EYS: variants seen among roughly 807,000 people sequenced by gnomAD.
The protein encoded by EYS is EGF-like photoreceptor maintenance factor.
A neutral mutation model predicts 282.1 loss-of-function variants in EYS; 250 were observed. That is an observed-to-expected ratio of 0.89 (90% confidence interval 0.80 to 0.98). EYS has a LOEUF of 0.98. Among genes scored for constraint, EYS ranks in the 50% least tolerant of loss-of-function variants. The pLI is 0.00. For missense variants in EYS, 4,016 were observed against 3,709.0 expected (o/e 1.08, Z -2.15); for synonymous variants, 1,355 against 1,282.9 (o/e 1.06, Z -1.20).
intron 2 of EYS, among the ~76,000 whole-genome samples, chr6:65,579,157 T>A (rs189859964): frequency 1.3e-5 from 2 of 152,098 alleles, no homozygotes; most frequent in African/African-American, 4.8e-5. Context: ...TATACATGTG[T>A]TTTTTTGTTC....
intron 5 of EYS, among the ~76,000 whole-genome samples, chr6:65,446,785 ATAAC>A (rs769153715): frequency 4.1e-4 from 62 of 151,654 alleles, no homozygotes; most frequent in Non-Finnish European, 4.4e-4. Context: ...TATGAAATAA[ATAAC>A]TAATATATTA....
At chr6:64,306,127 C>G (rs937633911) in intron 30 of EYS, among the ~76,000 whole-genome samples, 2 of 143,794 alleles carry the variant, frequency 1.4e-5, no homozygotes, top group Non-Finnish European at 2.9e-5. Flanking sequence ...AAAAGATGCT[C>G]AATAACAATA....
chr6:64,126,015 C>G (rs892024337), intron 31 of EYS, among the ~76,000 whole-genome samples: 1 of 151,440 alleles, frequency 6.6e-6, no homozygotes, highest in Non-Finnish European at 1.5e-5. Context: ...ACAACAGGTG[C>G]TGGAGAGGAT....
chr6:63,858,185 T>C (rs1772441963), intron 36 of EYS, among the ~76,000 whole-genome samples: 1 of 152,304 alleles, frequency 6.6e-6, no homozygotes, highest in African/African-American at 2.4e-5. Flanking sequence ...AATAAATTTA[T>C]AGCAACAAAC....
chr6:64,091,365 C>T (rs1772353242), intron 31 of EYS, among the ~76,000 whole-genome samples: 1 of 152,094 alleles, frequency 6.6e-6, no homozygotes, highest in Admixed American at 6.5e-5. Context: ...AAAATTTCTT[C>T]CCTCACCCCC....
intron 31 of EYS, among the ~76,000 whole-genome samples, chr6:64,218,659 T>C (rs747683018): frequency 2.0e-5 from 3 of 152,348 alleles, no homozygotes; most frequent in Middle Eastern, 3.4e-3. Flanking sequence ...CTGCTTTAAG[T>C]AATGTCTAGC....
intron 5 of EYS, among the ~76,000 whole-genome samples, chr6:65,443,599 TCATATACA>T (rs1768521382): frequency 6.6e-6 from 1 of 151,446 alleles, no homozygotes; most frequent in South Asian, 2.1e-4. Flanking sequence ...TACATATACA[TCATATACA>T]CATATACACA....
At chr6:64,587,068 C>T (rs551706018) in intron 26 of EYS, among the ~76,000 whole-genome samples, 2 of 152,044 alleles carry the variant, frequency 1.3e-5, no homozygotes, top group South Asian at 2.1e-4. Context: ...GAGCTGTCAC[C>T]GTAATACAGG....
chr6:64,900,355 G>A (rs1767617020), intron 18 of EYS, among the ~76,000 whole-genome samples: 1 of 152,094 alleles, frequency 6.6e-6, no homozygotes, highest in South Asian at 2.1e-4. Flanking sequence ...CAAAAGCAAT[G>A]GCAACAAAAG....
chr6:65,097,619 G>T (rs1449007243), intron 12 of EYS, among the ~76,000 whole-genome samples: 1 of 150,824 alleles, frequency 6.6e-6, no homozygotes, highest in Non-Finnish European at 1.5e-5. Flanking sequence ...ATGATAAAAT[G>T]ATGGTGGATG....
Position 64,274,481 on chromosome 6 carries a change from G to GTTTTTTTTTTTTTTT in EYS, c.6191+32474_6191+32488dup, listed in dbSNP as rs10640761. On this transcript the variant is annotated intron_variant, in intron 30 of 42. Transcript: ENST00000503581. ...CAGGCGCGAGCCACCACGCCTGGCC[G>GTTTTTTTTTTTTTTT]TTTTTTTTTTTTTTTTTTTTTTACA... Among the ~76,000 whole-genome samples the GTTTTTTTTTTTTTTT allele has an allele frequency of 2.1e-4, 19 of 92,228 alleles. 2 individuals are homozygous for GTTTTTTTTTTTTTTT. Among genetic ancestry groups the GTTTTTTTTTTTTTTT allele is most frequent in the African/African-American group, 9.0e-4 (19 of 21,204 alleles). The allele number at this position is 92,228 out of a possible 152,430, so 60.5% of individuals were successfully genotyped here.
chr6:63,948,449 C>T (rs1377578756), intron 35 of EYS, among the ~76,000 whole-genome samples: 1 of 152,216 alleles, frequency 6.6e-6, no homozygotes, highest in Non-Finnish European at 1.5e-5. Flanking sequence ...ACAATGTCAG[C>T]TGCACTGATG....
At chr6:65,605,008 T>G (rs1018042938) in intron 2 of EYS, among the ~76,000 whole-genome samples, 1 of 126,508 alleles carries the variant, frequency 7.9e-6, no homozygotes, top group Non-Finnish European at 1.5e-5. Flanking sequence ...CATGCCCAGC[T>G]ATTTTTTTTT....
At chr6:65,683,522 T>C (rs1328924975) in intron 1 of EYS, among the ~76,000 whole-genome samples, 2 of 152,054 alleles carry the variant, frequency 1.3e-5, no homozygotes, top group African/African-American at 2.4e-5. Flanking sequence ...AGGTGCCATT[T>C]TGAAGATCCA....
chr6:64,304,016 T>C (rs899904267), intron 30 of EYS, among the ~76,000 whole-genome samples: 3 of 152,164 alleles, frequency 2.0e-5, no homozygotes, highest in African/African-American at 4.8e-5. Flanking sequence ...GGGTGAATGA[T>C]TGCTCTCTAC....
chr6:64,124,255 T>C (rs1005966226), intron 31 of EYS, among the ~76,000 whole-genome samples: 5 of 152,162 alleles, frequency 3.3e-5, no homozygotes, highest in African/African-American at 1.2e-4. Context: ...ACAAGAAACA[T>C]ACTGATAATA....
chr6:64,738,925 T>G (rs562661024), intron 22 of EYS, among the ~76,000 whole-genome samples: 2 of 152,168 alleles, frequency 1.3e-5, no homozygotes, highest in Non-Finnish European at 2.9e-5. Context: ...ATCCCGCTAA[T>G]TTTTGTATTT....
chr6:64,048,743 TG>T (rs2149842645), intron 33 of EYS, among the ~76,000 whole-genome samples: 1 of 152,268 alleles, frequency 6.6e-6, no homozygotes, highest in Non-Finnish European at 1.5e-5. Flanking sequence ...TTTGGAAATC[TG>T]GTTTCTGTTT....
At chr6:64,374,209 G>T (rs1205378751) in intron 29 of EYS, among the ~76,000 whole-genome samples, 3 of 144,702 alleles carry the variant, frequency 2.1e-5, no homozygotes, top group African/African-American at 7.7e-5. Flanking sequence ...AGGTGTGGGG[G>T]GTGGGGGATG....
Sources: allele counts gnomAD v4.1 joint callset (sites outside exome capture counted in the v4.1 genomes callset), GRCh38; gene constraint gnomAD v4.1.1; transcripts MANE v1.5; gene names NCBI Gene and HGNC (gene_info 2026-07-23, HGNC 2026-07-21).